The following LNX1 variants were observed in gnomAD, a reference collection of about 807,000 sequenced individuals.
LNX1 encodes the protein ligand of numb-protein X 1.
Under a neutral mutation model 68.4 loss-of-function variants are expected in LNX1, and 54 were observed. That is an observed-to-expected ratio of 0.79 (90% CI 0.63 to 0.99). The LOEUF is 0.99. Among genes scored for constraint, LNX1 ranks in the 50% least tolerant of loss-of-function variants. LNX1 has a pLI of 0.00. For synonymous variants in LNX1, 336 were observed against 350.0 expected (o/e 0.96, Z 0.45); for missense variants, 906 against 926.4 (o/e 0.98, Z 0.29).
intron 1 of LNX1, among the ~76,000 whole-genome samples, chr4:53,627,900 A>G (rs536140564): frequency 2.0e-5 from 3 of 152,336 alleles, no homozygotes; most frequent in African/African-American, 7.2e-5. Context: ...CAATGGGATG[A>G]ATGTTAAGCT....
intron 2 of LNX1, among the ~76,000 whole-genome samples, chr4:53,519,497 T>TC (rs1469244585): frequency 2.0e-5 from 3 of 150,606 alleles, no homozygotes; most frequent in Admixed American, 6.6e-5. Flanking sequence ...TATGAAAACT[T>TC]CCCCCCACTG....
intron 9 of LNX1, among the ~76,000 whole-genome samples, chr4:53,461,996 A>G (rs1340999754): frequency 6.6e-6 from 1 of 152,044 alleles, no homozygotes; most frequent in East Asian, 1.9e-4. Flanking sequence ...TGAGGGCAAA[A>G]ATCCTTTGAA....
intron 1 of LNX1, among the ~76,000 whole-genome samples, chr4:53,626,126 A>G (rs1032920141): frequency 2.0e-5 from 3 of 152,218 alleles, no homozygotes; most frequent in Non-Finnish European, 4.4e-5. Flanking sequence ...TAAGTGAAAG[A>G]AGTCTGACAC....
intron 1 of LNX1, among the ~76,000 whole-genome samples, chr4:53,582,870 A>C (rs1261215304): frequency 6.6e-6 from 1 of 152,166 alleles, no homozygotes; most frequent in Non-Finnish European, 1.5e-5. Context: ...CGAACAGCAG[A>C]AATATACCCA....
At chr4:53,463,405 A>C (rs187641060) in intron 9 of LNX1, among the ~76,000 whole-genome samples, 4 of 149,628 alleles carry the variant, frequency 2.7e-5, no homozygotes, top group South Asian at 2.4e-4. Flanking sequence ...TGAGTATTTA[A>C]CTTTATTGCC....
intron 2 of LNX1, among the ~76,000 whole-genome samples, chr4:53,517,868 C>T (rs547738761): frequency 6.6e-6 from 1 of 152,290 alleles, no homozygotes; most frequent in African/African-American, 2.4e-5. Flanking sequence ...GCAAGTCCAC[C>T]ATCTGGTATT....
intron 1 of LNX1, among the ~76,000 whole-genome samples, chr4:53,624,368 T>G (rs571099387): frequency 9.9e-5 from 15 of 152,260 alleles, no homozygotes; most frequent in Non-Finnish European, 1.6e-4. Context: ...TCTCATGAGA[T>G]CTGATGGTTT....
chr4:53,460,953 C>T lies in LNX1; in HGVS notation c.2141G>A (p.Gly714Glu). ...CLARLLKELKGRITLTIVSWP... is the reference protein window; with the variant it reads ...CLARLLKELKERITLTIVSWP... ...AGAAACAATAGTTAGAGTAATTCTTCCTTTAAGTTCTTTCAGCAGTCTTGC... is the reference window on the plus strand; with the variant it reads ...AGAAACAATAGTTAGAGTAATTCTTTCTTTAAGTTCTTTCAGCAGTCTTGC... The change falls in exon 11 of 11, where the codon GGA becomes GAA. Residue 714 changes from glycine to glutamate, a missense_variant. Transcript: ENST00000263925. 6.2e-7 allele frequency: 1 copy of T among 1,610,178 alleles called. No individual in the cohort carries two copies. The highest frequency in any genetic ancestry group is 1.7e-5 in the Admixed American group (1 of 59,486).
chr4:53,482,673 G>A (rs1280495521), intron 6 of LNX1, among the ~76,000 whole-genome samples: 2 of 152,190 alleles, frequency 1.3e-5, no homozygotes, highest in Admixed American at 6.5e-5. Flanking sequence ...CAGAGGCAGA[G>A]TAATATAATG....
chr4:53,601,665 G>A (rs992406766), intron 2 of LNX1, among the ~76,000 whole-genome samples: 1 of 152,178 alleles, frequency 6.6e-6, no homozygotes, highest in Admixed American at 6.5e-5. Flanking sequence ...AGCTGTGCTA[G>A]GTATGTCCCC....
intron 10 of LNX1, 23 bp from the exon 11 acceptor site, chr4:53,461,065 A>C: frequency 6.5e-7 from 1 of 1,539,720 alleles, no homozygotes; most frequent in African/African-American, 1.4e-5. Context: ...ACAAAACAAG[A>C]TATGATTAGT....
chr4:53,475,810 C>G (rs527924169), intron 9 of LNX1, among the ~76,000 whole-genome samples: 1 of 152,186 alleles, frequency 6.6e-6, no homozygotes, highest in Non-Finnish European at 1.5e-5. Flanking sequence ...CAAGTAATTA[C>G]GTCACTGTAA....
intron 9 of LNX1, among the ~76,000 whole-genome samples, chr4:53,468,794 C>CTTGTTAG (rs1722905761): frequency 6.6e-6 from 1 of 152,204 alleles, no homozygotes; most frequent in Non-Finnish European, 1.5e-5. Flanking sequence ...AGCTAACTAT[C>CTTGTTAG]CTAAATATAT....
chr4:53,529,430 G>T (rs1284230177), intron 2 of LNX1, among the ~76,000 whole-genome samples: 1 of 152,158 alleles, frequency 6.6e-6, no homozygotes, highest in Non-Finnish European at 1.5e-5. Context: ...GATTTTTAAG[G>T]CAACCAAGCT....
intron 7 of LNX1, among the ~76,000 whole-genome samples, chr4:53,478,979 C>T (rs1723744245): frequency 6.6e-6 from 1 of 152,190 alleles, no homozygotes; most frequent in Non-Finnish European, 1.5e-5. Context: ...CCAAATTCTA[C>T]AGGTTAACTC....
intron 2 of LNX1, among the ~76,000 whole-genome samples, chr4:53,518,810 T>A (rs1446733091): frequency 1.3e-5 from 2 of 152,132 alleles, no homozygotes; most frequent in Non-Finnish European, 2.9e-5. Flanking sequence ...AACTGTAACA[T>A]GGGACGTAGG....
intron 2 of LNX1, among the ~76,000 whole-genome samples, chr4:53,552,321 C>T (rs1729569423): frequency 1.3e-5 from 2 of 152,140 alleles, no homozygotes; most frequent in African/African-American, 2.4e-5. Context: ...GTACCACAGG[C>T]AAGAGCAGGT....
Position 53,507,449 on chromosome 4 carries a change from T to C in LNX1, c.643A>G (p.Thr215Ala), listed in dbSNP as rs767863621. 6.2e-7 allele frequency: 1 copy of C among 1,613,942 alleles called. No individual in the cohort carries two copies. Among genetic ancestry groups the C allele is most frequent in the Non-Finnish European group, 8.5e-7 (1 of 1,179,942 alleles). ...RTRARPFERSTIRSRSFKKIN... is the reference protein window; with the variant it reads ...RTRARPFERSAIRSRSFKKIN... ...TTTTTAAATGATCTGCTTCTAATAG[T>C]GGATCTCTCAAAGGGCCGTGCTGAG... The change falls in exon 4 of 11, where the codon ACT (threonine) becomes GCT (alanine). Residue 215 changes from threonine (T) to alanine (A), a missense_variant. Transcript: ENST00000263925.
intron 7 of LNX1, among the ~76,000 whole-genome samples, chr4:53,480,240 TA>T (rs1723824525): frequency 6.6e-6 from 1 of 152,194 alleles, no homozygotes; most frequent in South Asian, 2.1e-4. Flanking sequence ...GAATATAAGT[TA>T]AAACGGAAAT....
Sources: gnomAD v4.1 joint callset for allele counts (sites outside exome capture counted in the v4.1 genomes callset) on GRCh38, gnomAD v4.1.1 for gene constraint, MANE v1.5 for transcripts, NCBI Gene and HGNC (gene_info 2026-07-23, HGNC 2026-07-21) for gene names.